The following FHIP1A variants were observed in gnomAD, a reference collection of about 807,000 sequenced individuals.
FHIP1A encodes FHF complex subunit HOOK interacting protein 1A.
Under a neutral mutation model 88.6 loss-of-function variants are expected in FHIP1A, and 61 were observed. The ratio of observed to expected loss-of-function variants is 0.69; its 90% CI spans 0.56 to 0.85. FHIP1A has a LOEUF of 0.85. Ranked by LOEUF, FHIP1A falls within the 40% of genes least tolerant of loss-of-function variation. The probability of loss-of-function intolerance (pLI) is 0.00; values close to 1 mark genes in which losing one functional copy is unlikely to be tolerated. For synonymous variants in FHIP1A, 478 were observed against 496.0 expected (o/e 0.96, Z 0.48); for missense variants, 1,154 against 1,273.5 (o/e 0.91, Z 1.43).
At chr4:151,547,643 G>A (rs1222892268) in intron 3 of FHIP1A, among the ~76,000 whole-genome samples, 2 of 152,234 alleles carry the variant, frequency 1.3e-5, no homozygotes, top group African/African-American at 4.8e-5. Context: ...GCCAGGCACA[G>A]TGGCTCATGC....
At chr4:151,479,910 T>C (rs1484059023) in intron 2 of FHIP1A, among the ~76,000 whole-genome samples, 1 of 152,104 alleles carries the variant, frequency 6.6e-6, no homozygotes, top group Non-Finnish European at 1.5e-5. Flanking sequence ...GGATGTGATA[T>C]AGCTATTACA....
chr4:151,433,191 T>A (rs1030520048), intron 1 of FHIP1A, among the ~76,000 whole-genome samples: 2 of 151,948 alleles, frequency 1.3e-5, no homozygotes, highest in Non-Finnish European at 2.9e-5. Flanking sequence ...AGGAATATTA[T>A]TCTTACAGCA....
chr4:151,462,402 TC>T (rs1729172464), intron 2 of FHIP1A, among the ~76,000 whole-genome samples: 1 of 152,198 alleles, frequency 6.6e-6, no homozygotes, highest in Non-Finnish European at 1.5e-5. Flanking sequence ...TCAGATAGTT[TC>T]ACTAGATTCT....
intron 8 of FHIP1A, among the ~76,000 whole-genome samples, chr4:151,634,158 G>A (rs1387878441): frequency 6.6e-6 from 1 of 151,614 alleles, no homozygotes; most frequent in East Asian, 1.9e-4. Flanking sequence ...ATTTTAAAAA[G>A]TTCTTTATAA....
chr4:151,652,777 G>A (rs1283073327), intron 11 of FHIP1A, among the ~76,000 whole-genome samples: 5 of 152,250 alleles, frequency 3.3e-5, no homozygotes, highest in African/African-American at 4.8e-5. Context: ...ACCAGGAGGA[G>A]ACTGAAGAGC....
chr4:151,520,711 G>T (rs1184514761), intron 3 of FHIP1A, among the ~76,000 whole-genome samples: 1 of 152,094 alleles, frequency 6.6e-6, no homozygotes, highest in Non-Finnish European at 1.5e-5. Context: ...TAACAAGAAG[G>T]TAGAGTGAGT....
intron 2 of FHIP1A, among the ~76,000 whole-genome samples, chr4:151,465,132 C>T (rs1370262241): frequency 1.3e-5 from 2 of 152,104 alleles, no homozygotes; most frequent in Non-Finnish European, 2.9e-5. Flanking sequence ...AAGTCCGTGG[C>T]TGCAATGAGC....
At chr4:151,569,684 G>C (rs1427655537) in intron 4 of FHIP1A, among the ~76,000 whole-genome samples, 2 of 152,126 alleles carry the variant, frequency 1.3e-5, no homozygotes, top group Non-Finnish European at 2.9e-5. Flanking sequence ...TTTGTTAATA[G>C]CCTCTTTTCC....
intron 7 of FHIP1A, among the ~76,000 whole-genome samples, chr4:151,599,959 G>A (rs775003591): frequency 2.0e-5 from 3 of 152,212 alleles, no homozygotes; most frequent in Non-Finnish European, 4.4e-5. Context: ...GCTTATAGTA[G>A]CAGTCATGAT....
At chr4:151,433,847 C>T (rs1243822569) in intron 1 of FHIP1A, among the ~76,000 whole-genome samples, 1 of 152,044 alleles carries the variant, frequency 6.6e-6, no homozygotes, top group Non-Finnish European at 1.5e-5. Context: ...CATGCCTGGG[C>T]CATATTATCT....
intron 3 of FHIP1A, among the ~76,000 whole-genome samples, chr4:151,511,902 A>T (rs1376141618): frequency 6.6e-6 from 1 of 152,244 alleles, no homozygotes; most frequent in African/African-American, 2.4e-5. Flanking sequence ...GCAGGCTTAA[A>T]TGTCCTTGTC....
At chr4:151,638,624 G>A in intron 8 of FHIP1A, 53 bp from the exon 9 acceptor site, 1 of 1,065,074 alleles carries the variant, frequency 9.4e-7, no homozygotes, top group Non-Finnish European at 1.4e-6. Context: ...TCTGTGGGGA[G>A]TAGAGTTATC....
At chr4:151,441,704 ACTTCCATGTATGTAAAAACACCCTC>A (rs1243654471) in intron 1 of FHIP1A, among the ~76,000 whole-genome samples, 2 of 152,200 alleles carry the variant, frequency 1.3e-5, no homozygotes, top group Non-Finnish European at 2.9e-5. Flanking sequence ...TGTGAAAGTT[ACTTCCATGTATGTAAAAACACCCTC>A]CTTCCATTTC....
At chr4:151,452,957 C>CACAT (rs1728843687) in intron 1 of FHIP1A, among the ~76,000 whole-genome samples, 1 of 144,400 alleles carries the variant, frequency 6.9e-6, no homozygotes, top group African/African-American at 2.7e-5. Context: ...TATATACATA[C>CACAT]ACACACACAC....
Position 151,650,509 on chromosome 4 carries a change from C to T in FHIP1A, c.2468C>T (p.Thr823Ile). ...ATAGCGGAGATGCCTGCTGTAGAGA[C>T]TGTGCCTTCCCCATTTGTGGGGAGA... ...SFIAEMPAVE[T>I]VPSPFVGRDE... is the part of the protein sequence containing the mutation. The change falls in exon 11 of 14, where the codon ACT becomes ATT. Residue 823 changes from threonine to isoleucine, a missense_variant. Coordinates refer to ENST00000435205, the MANE Select transcript of FHIP1A (RefSeq NM_001109977.3). The T allele has an allele frequency of 6.4e-7, 1 of 1,551,588 alleles. No individual in the cohort carries two copies.
chr4:151,530,424 C>G (rs1363445246), intron 3 of FHIP1A, among the ~76,000 whole-genome samples: 1 of 152,158 alleles, frequency 6.6e-6, no homozygotes, highest in African/African-American at 2.4e-5. Flanking sequence ...TCCACTGCCT[C>G]TCCTCAGTTA....
At chr4:151,551,295 G>C (rs984682850) in intron 3 of FHIP1A, among the ~76,000 whole-genome samples, 2 of 152,168 alleles carry the variant, frequency 1.3e-5, no homozygotes, top group Non-Finnish European at 2.9e-5. Flanking sequence ...TCCCTATCAA[G>C]ATACCAATGA....
chr4:151,411,770 C>A (rs1451454161), intron 1 of FHIP1A, among the ~76,000 whole-genome samples: 1 of 152,158 alleles, frequency 6.6e-6, no homozygotes, highest in African/African-American at 2.4e-5. Context: ...GTACATCTGT[C>A]TTCTAGGGTG....
chr4:151,476,583 C>T (rs1364528299), intron 2 of FHIP1A, among the ~76,000 whole-genome samples: 1 of 152,034 alleles, frequency 6.6e-6, no homozygotes, highest in African/African-American at 2.4e-5. Flanking sequence ...AACATCAGAA[C>T]CCAAAATAAG....
Sources: gnomAD v4.1 joint callset for allele counts (sites outside exome capture counted in the v4.1 genomes callset) on GRCh38, gnomAD v4.1.1 for gene constraint, MANE v1.5 for transcripts, NCBI Gene and HGNC (gene_info 2026-07-23, HGNC 2026-07-21) for gene names.